Variants in DTNA observed in about 807,000 individuals in gnomAD.
DTNA encodes dystrophin-related protein 3.
A neutral mutation model predicts 100.7 loss-of-function variants in DTNA; 43 were observed. That is an observed-to-expected ratio of 0.43 (90% CI 0.33 to 0.55). The LOEUF is 0.55. Among genes scored for constraint, DTNA ranks in the 20% least tolerant of loss-of-function variants. DTNA has a pLI of 0.04. For synonymous variants in DTNA, 349 were observed against 347.9 expected, an observed-to-expected ratio of 1.00 and a Z score of -0.04; for missense variants, 798 against 953.9, an observed-to-expected ratio of 0.84 and a Z score of 2.15.
At chr18:34,698,941 T>G (rs1276227926) in intron 1 of DTNA, among the ~76,000 whole-genome samples, 1 of 150,920 alleles carries the variant, frequency 6.6e-6, no homozygotes, top group African/African-American at 2.4e-5. Flanking sequence ...TTCAATCCAA[T>G]CACATTGACA....
intron 3 of DTNA, among the ~76,000 whole-genome samples, chr18:34,790,087 AACCCTGTTTC>A (rs1344150461): frequency 6.6e-6 from 1 of 152,204 alleles, no homozygotes; most frequent in African/African-American, 2.4e-5. Flanking sequence ...ATCCTTAGAA[AACCCTGTTTC>A]ACTGTTGAGT....
At chr18:34,650,495 G>A (rs1309628565) in intron 1 of DTNA, among the ~76,000 whole-genome samples, 1 of 152,094 alleles carries the variant, frequency 6.6e-6, no homozygotes, top group Admixed American at 6.6e-5. Flanking sequence ...AGTAATGGTG[G>A]AAATTAGATC....
At chr18:34,763,453 G>A (rs144128766) in intron 2 of DTNA, among the ~76,000 whole-genome samples, 6 of 152,206 alleles carry the variant, frequency 3.9e-5, no homozygotes, top group African/African-American at 7.2e-5. Context: ...TAAATATGAC[G>A]TCCTACCCTT....
At chr18:34,712,102 T>C (rs2083012365) in intron 1 of DTNA, among the ~76,000 whole-genome samples, 1 of 151,804 alleles carries the variant, frequency 6.6e-6, no homozygotes, top group African/African-American at 2.4e-5. Flanking sequence ...ATATCTGAGG[T>C]AGAAAGTGTT....
intron 1 of DTNA, among the ~76,000 whole-genome samples, chr18:34,662,532 A>G (rs2075345003): frequency 6.6e-6 from 1 of 152,198 alleles, no homozygotes; most frequent in Non-Finnish European, 1.5e-5. Context: ...TGTGAGGGAC[A>G]AAAATCTCAG....
intron 1 of DTNA, among the ~76,000 whole-genome samples, chr18:34,654,935 C>T (rs2074145284): frequency 6.6e-6 from 1 of 152,134 alleles, no homozygotes; most frequent in Non-Finnish European, 1.5e-5. Flanking sequence ...CCATGTTGGC[C>T]AAGCTGGTCC....
chr18:34,872,840 A>T (rs1446573448), intron 17 of DTNA, among the ~76,000 whole-genome samples: 2 of 152,176 alleles, frequency 1.3e-5, no homozygotes, highest in Non-Finnish European at 2.9e-5. Context: ...TGAAGCATAG[A>T]TGGAAGCGTA....
At position 34,734,355 on chromosome 18, in the gene DTNA, G is replaced by A. The variant is rs563927369; in HGVS notation, c.-1-21621G>A. Among the ~76,000 whole-genome samples the A allele has an allele frequency of 3.9e-5, 6 of 152,186 alleles. No homozygotes were observed. The East Asian group carries it at 1.2e-3, about 29-fold the overall frequency. On this transcript the variant is annotated intron_variant, in intron 1 of 22. Transcript: ENST00000444659. Reference sequence around the variant, plus strand: ...AAGCTCTTTCTTCTGGCAAAAAAAAGGTTCATCAGAGTTTACAAACTCAGT... The same window carrying A: ...AAGCTCTTTCTTCTGGCAAAAAAAAAGTTCATCAGAGTTTACAAACTCAGT...
chr18:34,726,252 A>T (rs556180658), intron 1 of DTNA, among the ~76,000 whole-genome samples: 93 of 151,646 alleles, frequency 6.1e-4, no homozygotes, highest in African/African-American at 1.6e-3. Context: ...ATAATAATTT[A>T]AAAAAAAATA....
chr18:34,830,051 G>A (rs1236828453), intron 11 of DTNA, among the ~76,000 whole-genome samples: 1 of 152,114 alleles, frequency 6.6e-6, no homozygotes, highest in Non-Finnish European at 1.5e-5. Flanking sequence ...TGATAATGCT[G>A]GTGGTGAATC....
chr18:34,829,571 A>G (rs1035077137), intron 11 of DTNA, 82 bp downstream of exon 11: 2 of 1,342,044 alleles, frequency 1.5e-6, no homozygotes, highest in East Asian at 5.1e-5. Context: ...TGGCACTAAA[A>G]TCCTCTCATA....
At position 34,874,635 on chromosome 18, in the gene DTNA, T is replaced by TTTC. The variant is rs146912046; in HGVS notation, c.1744-588_1744-586dup. 3.3e-5 allele frequency among the ~76,000 whole-genome samples: 5 copies of TTTC among 152,136 alleles called. No individual in the cohort carries two copies. The East Asian group carries it at 7.7e-4, about 23-fold the overall frequency. ...AATACCAAAAAATTAGAAAACAAGG[T>TTTC]TTCTTCTTCTTCTTCTTCCCCATTG... On this transcript the variant is annotated intron_variant, in intron 17 of 22. Coordinates refer to ENST00000444659, the MANE Select transcript of DTNA (RefSeq NM_001386795.1).
chr18:34,549,529 T>C (rs1335935753), intron 1 of DTNA, among the ~76,000 whole-genome samples: 1 of 152,096 alleles, frequency 6.6e-6, no homozygotes, highest in Non-Finnish European at 1.5e-5. Context: ...TGACTCTCCT[T>C]TTAATCTAGT....
Position 34,817,985 on chromosome 18 carries a change from T to C in DTNA, c.710-179T>C, listed in dbSNP as rs1002009356. 8.7e-6 allele frequency: 13 copies of C among 1,498,058 alleles called. 1 individual carries two copies. The South Asian group carries it at 1.5e-4, about 18-fold the overall frequency. 92.8% of individuals were successfully genotyped at this position (1,498,058 alleles called of 1,614,324 possible). ...ATTTCATTTCATTTCCCCACAGGCA[T>C]GATTGAAAAGGGTTGTAAGATTCCA... On this transcript the variant is annotated intron_variant, in intron 7 of 22. Coordinates refer to ENST00000444659, the MANE Select transcript of DTNA (RefSeq NM_001386795.1).
At chr18:34,701,364 C>T (rs1191203987) in intron 1 of DTNA, among the ~76,000 whole-genome samples, 1 of 152,124 alleles carries the variant, frequency 6.6e-6, no homozygotes, top group Non-Finnish European at 1.5e-5. Context: ...GCTTTCAACT[C>T]AAGAATCACC....
At chr18:34,535,311 A>G (rs2043585310) in intron 1 of DTNA, among the ~76,000 whole-genome samples, 1 of 151,814 alleles carries the variant, frequency 6.6e-6, no homozygotes. Flanking sequence ...GTCTGTTCAT[A>G]TTGTTTGCCC....
chr18:34,689,821 C>T (rs1193617736), intron 1 of DTNA, among the ~76,000 whole-genome samples: 1 of 152,190 alleles, frequency 6.6e-6, no homozygotes, highest in Non-Finnish European at 1.5e-5. Context: ...GGGCTACTGC[C>T]TTTCTTTCAG....
chr18:34,782,936 G>A (rs1434244488), intron 3 of DTNA, among the ~76,000 whole-genome samples: 1 of 152,170 alleles, frequency 6.6e-6, no homozygotes, highest in African/African-American at 2.4e-5. Flanking sequence ...TACAAGCCTA[G>A]ATTAGGGCAC....
At chr18:34,713,552 G>A (rs1401068435) in intron 1 of DTNA, among the ~76,000 whole-genome samples, 6 of 151,766 alleles carry the variant, frequency 4.0e-5, no homozygotes, top group African/African-American at 1.5e-4. Flanking sequence ...AGTATAGTTT[G>A]AAGTCAGGTA....
Sources: gnomAD v4.1 joint callset for allele counts (sites outside exome capture counted in the v4.1 genomes callset) on GRCh38, gnomAD v4.1.1 for gene constraint, MANE v1.5 for transcripts, NCBI Gene and HGNC (gene_info 2026-07-23, HGNC 2026-07-21) for gene names.